Variants in CFAP54 observed in about 807,000 individuals in gnomAD.
CFAP54 encodes cilia- and flagella-associated protein 54.
CFAP54 carries 290 observed loss-of-function variants against 370.4 expected under a neutral mutation model. The ratio of observed to expected loss-of-function variants is 0.78; its 90% CI spans 0.71 to 0.86. The LOEUF (loss-of-function observed/expected upper bound fraction) is 0.86. Among genes scored for constraint, CFAP54 ranks in the 40% least tolerant of loss-of-function variants. The pLI, the probability that CFAP54 is intolerant of heterozygous loss-of-function variation, is 0.00. For missense variants in CFAP54, 3,399 were observed against 3,528.7 expected (o/e 0.96, Z 0.93); for synonymous variants, 1,206 against 1,236.5 (o/e 0.98, Z 0.52).
At chr12:96,809,789 T>C (rs1958913593) in intron 63 of CFAP54, among the ~76,000 whole-genome samples, 1 of 152,256 alleles carries the variant, frequency 6.6e-6, no homozygotes, top group Admixed American at 6.5e-5. Flanking sequence ...GATGATGAAA[T>C]TTCAGCACCT....
intron 4 of CFAP54, 80 bp downstream of exon 4, chr12:96,507,179 C>A: frequency 9.1e-7 from 1 of 1,100,384 alleles, no homozygotes; most frequent in Non-Finnish European, 1.2e-6. Flanking sequence ...AGCTTGAGTA[C>A]CTTGTGATTT....
intron 50 of CFAP54, among the ~76,000 whole-genome samples, chr12:96,730,143 C>G (rs534466988): frequency 6.6e-6 from 1 of 152,122 alleles, no homozygotes; most frequent in South Asian, 2.1e-4. Flanking sequence ...AAAAGTCACC[C>G]AAGAGAAATC....
intron 58 of CFAP54, among the ~76,000 whole-genome samples, chr12:96,760,454 G>A (rs1958322322): frequency 6.6e-6 from 1 of 152,142 alleles, no homozygotes; most frequent in Non-Finnish European, 1.5e-5. Context: ...CCCACCCCTA[G>A]TCCCATGAAA....
At chr12:96,519,389 G>T (rs1278312412) in intron 6 of CFAP54, among the ~76,000 whole-genome samples, 34 of 152,256 alleles carry the variant, frequency 2.2e-4, no homozygotes, top group Middle Eastern at 3.4e-3. Context: ...GTGAGCCACT[G>T]TGTCCAGGCC....
intron 17 of CFAP54, among the ~76,000 whole-genome samples, chr12:96,555,685 T>TATGGTTTCAAG (rs1955744389): frequency 1.3e-5 from 2 of 151,408 alleles, no homozygotes; most frequent in Admixed American, 6.6e-5. Flanking sequence ...AGGGTTTCAA[T>TATGGTTTCAAG]CTAACCAAAG....
At chr12:96,812,712 T>C (rs2136728628) in intron 64 of CFAP54, among the ~76,000 whole-genome samples, 1 of 152,310 alleles carries the variant, frequency 6.6e-6, no homozygotes, top group African/African-American at 2.4e-5. Flanking sequence ...AGAGAATTAG[T>C]GTTTCTCTGT....
In CFAP54 at chr12:96,518,836, G is replaced by A. The variant is rs1424730200; in HGVS notation, c.799-92G>A. On this transcript the variant is annotated intron_variant, in intron 5 of 67. Coordinates refer to ENST00000524981, the MANE Select transcript of CFAP54 (RefSeq NM_001306084.2). ...TTTTGGTTTGAGTAATCAGCAACTT[G>A]TGCTCACAACTTAGAATTTGATTAT... 6.7e-6 allele frequency: 8 copies of A among 1,188,542 alleles called. No homozygotes were observed. The East Asian group carries it at 1.8e-4, about 27-fold the overall frequency. 73.6% of individuals were successfully genotyped at this position (1,188,542 alleles called of 1,614,324 possible).
rs774605312 is a variant in CFAP54 at position 96,743,896 on chromosome 12, A to T, written c.7543A>T (p.Ile2515Phe). ...AAATTTGTTAACTCGGGCTCATAGC[A>T]TTCTAACTGAACAGGTGAGAATGCT... is the stretch of plus-strand genomic sequence containing the variant. Reference protein sequence around the residue: ...KLNLLTRAHSILTEQMLAFGE... With the variant: ...KLNLLTRAHSFLTEQMLAFGE... Residue 2515 changes from isoleucine to phenylalanine, a missense_variant, in exon 54 of 68, where the codon ATT becomes TTT. Ile to Phe is a conservative substitution (Grantham distance 21, BLOSUM62 0). Transcript: ENST00000524981. 6.2e-7 allele frequency: 1 copy of T among 1,612,614 alleles called. No homozygotes were observed. Among genetic ancestry groups the T allele is most frequent in the East Asian group, 2.2e-5 (1 of 44,854 alleles).
intron 15 of CFAP54, among the ~76,000 whole-genome samples, chr12:96,553,412 C>G (rs1418611575): frequency 1.3e-5 from 2 of 150,744 alleles, no homozygotes; most frequent in Admixed American, 6.6e-5. Flanking sequence ...ATAGTAAAAC[C>G]AAATTCAAGG....
chr12:96,712,891 T>C (rs1399385019), intron 48 of CFAP54, among the ~76,000 whole-genome samples: 9 of 152,130 alleles, frequency 5.9e-5, no homozygotes, highest in African/African-American at 1.7e-4. Context: ...TGGATAGATA[T>C]TTATCAAAAG....
intron 45 of CFAP54, among the ~76,000 whole-genome samples, chr12:96,699,098 C>T (rs1277204528): frequency 6.6e-6 from 1 of 152,166 alleles, no homozygotes; most frequent in Non-Finnish European, 1.5e-5. Context: ...AGGTTACTCT[C>T]CTATGCAAAC....
chr12:96,589,811 A>G (rs12827617), intron 23 of CFAP54, among the ~76,000 whole-genome samples: 46,742 of 151,858 alleles, frequency 0.31, 7,333 homozygotes, highest in Non-Finnish European at 0.34. Flanking sequence ...CAGTGGCATG[A>G]TCCTGGCTCA....
At chr12:96,816,497 A>G (rs1269427477) in intron 64 of CFAP54, among the ~76,000 whole-genome samples, 1 of 152,174 alleles carries the variant, frequency 6.6e-6, no homozygotes, top group Non-Finnish European at 1.5e-5. Flanking sequence ...TATAAATTCA[A>G]ATCCTCTTAT....
In CFAP54 at chr12:96,744,055, A is replaced by G; in HGVS notation, c.7593A>G (p.Ser2531=). The change falls in exon 55 of 68, where the codon TCA becomes TCG. Residue 2531 remains serine, a synonymous_variant. Coordinates refer to ENST00000524981, the MANE Select transcript of CFAP54 (RefSeq NM_001306084.2). ...TTGGAGAAACAATTGAATTTCGTTC[A>G]TCAAACACTAAATATGCAAATCCAT... ...LAFGETIEFR[S]SNTKYANPLQ... The G allele has an allele frequency of 6.2e-7, 1 of 1,611,348 alleles. No homozygotes were observed. Among genetic ancestry groups the G allele is most frequent in the South Asian group, 1.1e-5 (1 of 90,318 alleles).
At chr12:96,679,850 A>T in intron 40 of CFAP54, 98 bp downstream of exon 40, 2 of 1,185,126 alleles carry the variant, frequency 1.7e-6, no homozygotes, top group Non-Finnish European at 2.4e-6. Context: ...CTCCCCGTGT[A>T]CATGCAACAC....
intron 56 of CFAP54, among the ~76,000 whole-genome samples, chr12:96,754,159 G>T (rs1958224000): frequency 1.3e-5 from 2 of 152,070 alleles, no homozygotes; most frequent in Admixed American, 1.3e-4. Flanking sequence ...CAAAGTTTCA[G>T]GTTTGACTGA....
Position 96,808,391 on chromosome 12 carries a change from CT to C in CFAP54, c.8851-3343del, listed in dbSNP as rs549974605. On this transcript the variant is annotated intron_variant, in intron 63 of 67. Transcript: ENST00000524981. ...TGTGTCAGATGAACACATCTTCCAG[CT>C]TCCTGAAAAAGGGTGTATTAGAGGT... 3.7e-3 allele frequency among the ~76,000 whole-genome samples: 562 copies of C among 152,200 alleles called. 3 individuals carry two copies. Among genetic ancestry groups the C allele is most frequent in the African/African-American group, 0.013 (540 of 41,522 alleles).
At chr12:96,525,752 A>C (rs1206285992) in intron 8 of CFAP54, among the ~76,000 whole-genome samples, 1 of 152,186 alleles carries the variant, frequency 6.6e-6, no homozygotes, top group East Asian at 1.9e-4. Context: ...GTGCAATGGC[A>C]TGATCTTGGC....
rs750038742 is a variant in CFAP54, at chr12:96,663,850, T to G, written c.5481T>G (p.Ile1827Met). 3 of 1,612,770 alleles carry G rather than the reference T, an allele frequency of 1.9e-6. No homozygotes were observed. Among genetic ancestry groups the G allele is most frequent in the Non-Finnish European group, 1.7e-6 (2 of 1,179,406 alleles). ...YGEKITCRNF[I>M]GKQLKINSST... ...TAAAGATAACTTGCCGAAATTTCAT[T>G]GGGAAGCAGCTTAAGATTAATTCTT... The change falls in exon 39 of 68, where the codon ATT becomes ATG. Residue 1827 changes from isoleucine (I) to methionine (M), a missense_variant. Ile to Met is a conservative substitution (Grantham distance 10, BLOSUM62 1). This residue lies in a region of CFAP54 where 2,796 missense variants were observed against 2,869.7 expected (regional missense o/e 0.97). Coordinates refer to ENST00000524981, the MANE Select transcript of CFAP54 (RefSeq NM_001306084.2).
Sources: allele counts gnomAD v4.1 joint callset (sites outside exome capture counted in the v4.1 genomes callset), GRCh38; gene constraint gnomAD v4.1.1; regional missense constraint gnomAD v4.1.1; transcripts MANE v1.5; gene names NCBI Gene and HGNC (gene_info 2026-07-23, HGNC 2026-07-21).